Variants in FADS2 observed in about 807,000 individuals in gnomAD.
FADS2 encodes the protein fatty acid desaturase 2, also known as acyl-CoA 6-desaturase.
FADS2 carries 18 observed loss-of-function variants against 61.2 expected under a neutral mutation model. The observed-to-expected ratio is 0.29, with a 90% CI of 0.20 to 0.44. The LOEUF is 0.44. FADS2 is among the 20% of genes least tolerant of loss of function. The pLI, the probability that FADS2 is intolerant of heterozygous loss-of-function variation, is 1.00. For synonymous variants in FADS2, 203 were observed against 223.9 expected (o/e 0.91, Z 0.83); for missense variants, 322 against 572.7 (o/e 0.56, Z 4.47).
intron 7 of FADS2, 97 bp from the exon 8 acceptor site, chr11:61,862,875 G>A: frequency 1.1e-6 from 1 of 936,348 alleles, no homozygotes; most frequent in Admixed American, 1.8e-5. Flanking sequence ...CCAGCTTCTA[G>A]AGGCCTGAGT....
intron 4 of FADS2, among the ~76,000 whole-genome samples, chr11:61,844,818 G>A (rs1591172236): frequency 1.3e-5 from 2 of 150,986 alleles, no homozygotes; most frequent in African/African-American, 4.9e-5. Flanking sequence ...CCAGCTGCTC[G>A]GGAGGCTGAG....
chr11:61,848,839 C>A (rs1386017944), intron 5 of FADS2: 1 of 153,758 alleles, frequency 6.5e-6, no homozygotes, highest in Non-Finnish European at 1.4e-5. Context: ...CAATCTGCTT[C>A]ACCAGTGGAT....
At chr11:61,856,720 C>A in intron 5 of FADS2, 2 of 445,170 alleles carry the variant, frequency 4.5e-6, no homozygotes, top group Non-Finnish European at 4.0e-6. Flanking sequence ...TGGGCCATGG[C>A]TTAACGCTGA....
At chr11:61,842,985 T>C (rs1334859559) in intron 4 of FADS2, among the ~76,000 whole-genome samples, 2 of 152,246 alleles carry the variant, frequency 1.3e-5, no homozygotes, top group Non-Finnish European at 2.9e-5. Context: ...GCTGCACTGC[T>C]AATGGGATTT....
At chr11:61,862,237 AG>A (rs1332849020) in intron 7 of FADS2, 1 of 152,290 alleles carries the variant, frequency 6.6e-6, no homozygotes, top group East Asian at 1.9e-4. Flanking sequence ...CTTGGAGCGA[AG>A]GCCACTCTGG....
Position 61,865,412 on chromosome 11 carries a change from G to A in FADS2, c.1283+135G>A. 8.4e-7 allele frequency: 1 copy of A among 1,184,132 alleles called. No homozygotes were observed. 73.4% of individuals were successfully genotyped at this position (1,184,132 alleles called of 1,614,324 possible). ...TGCCTTACTCCCGAGCCTGTGTTAGGAGCTGTTGGGCTTTTCTCCCTGGGC... is the reference window on the plus strand; with the variant it reads ...TGCCTTACTCCCGAGCCTGTGTTAGAAGCTGTTGGGCTTTTCTCCCTGGGC... On this transcript the variant is annotated intron_variant, in intron 11 of 11. Transcript: ENST00000278840. This position sits in a 1 kb window ranked among gnomAD's most constrained non-coding sequence, Gnocchi z 4.1.
At chr11:61,863,591 A>G in intron 9 of FADS2, 116 bp from the exon 10 acceptor site, 4 of 882,374 alleles carry the variant, frequency 4.5e-6, no homozygotes, top group Non-Finnish European at 7.3e-6. Flanking sequence ...ATCAGGCAGG[A>G]CGGTATGATG....
At position 61,866,832 on chromosome 11, in the gene FADS2, G is replaced by C. The variant is rs940370344; in HGVS notation, c.*1143G>C. The C allele has an allele frequency of 6.5e-6, 1 of 152,738 alleles. No homozygotes were observed. The highest frequency in any genetic ancestry group is 1.5e-5 in the Non-Finnish European group (1 of 68,356). The allele number at this position is 152,738 out of a possible 1,614,324, so 9.5% of individuals were successfully genotyped here. ...GCAGGGCTGGGCCTTGTGACAATCT[G>C]CCTTTCACCACATGGCCTTGCCTCG... On this transcript the variant is annotated 3_prime_UTR_variant, in exon 12 of 12. Coordinates refer to ENST00000278840, the MANE Select transcript of FADS2 (RefSeq NM_004265.4).
chr11:61,824,768 A>T (rs997665822), upstream of FADS2, among the ~76,000 whole-genome samples: 3 of 152,146 alleles, frequency 2.0e-5, no homozygotes, highest in African/African-American at 7.2e-5. Flanking sequence ...TTAGCATCTG[A>T]TGCAGAGCCC....
At chr11:61,852,060 C>G (rs893772562) in intron 5 of FADS2, among the ~76,000 whole-genome samples, 1 of 152,160 alleles carries the variant, frequency 6.6e-6, no homozygotes, top group Non-Finnish European at 1.5e-5. Flanking sequence ...TTCCCGGCAC[C>G]CCCATGAGGT....
intron 9 of FADS2, 106 bp from the exon 10 acceptor site, chr11:61,863,601 G>A (rs765446028): frequency 1.0e-6 from 1 of 957,596 alleles, no homozygotes; most frequent in South Asian, 1.4e-5. Context: ...ACGGTATGAT[G>A]TGGACGGGTG....
chr11:61,834,601 T>A (rs2067155417), intron 1 of FADS2, among the ~76,000 whole-genome samples: 1 of 152,188 alleles, frequency 6.6e-6, no homozygotes, highest in Non-Finnish European at 1.5e-5. Context: ...ACTGCAGGGT[T>A]CGGGTGTTGG....
rs765277168 is a variant in FADS2 at position 61,862,980 on chromosome 11, C to T, written c.891C>T (p.Ala297=). The T allele has an allele frequency of 1.1e-5, 18 of 1,614,026 alleles. No homozygotes were observed. The highest frequency in any genetic ancestry group is 1.5e-5 in the Non-Finnish European group (18 of 1,179,978). The change falls in exon 8 of 12, where the codon GCC becomes GCT. Residue 297 remains alanine (A), a synonymous_variant. Coordinates refer to ENST00000278840, the MANE Select transcript of FADS2 (RefSeq NM_004265.4). ...MIVHKNWVDL[A]WAVSYYIRFF... Reference sequence around the variant, plus strand: ...TTCATCTTTCCCCGCAGGACCTGGCCTGGGCCGTCAGCTACTACATCCGGT... The same window carrying T: ...TTCATCTTTCCCCGCAGGACCTGGCTTGGGCCGTCAGCTACTACATCCGGT...
upstream of FADS2, among the ~76,000 whole-genome samples, chr11:61,824,498 G>GA (rs1565325444): frequency 1.3e-4 from 1 of 7,848 alleles, no homozygotes; most frequent in African/African-American, 1.6e-4. Context: ...GAGAAAGAAA[G>GA]AAAGGAAAGA....
chr11:61,830,461 C>T (rs2067119525), intron 1 of FADS2, among the ~76,000 whole-genome samples: 1 of 152,182 alleles, frequency 6.6e-6, no homozygotes. Context: ...GAGTTCCCTC[C>T]AAAAATCAGT....
chr11:61,824,441 AGGGAGGGAGG>A (rs1565325198), upstream of FADS2, among the ~76,000 whole-genome samples: 4 of 3,550 alleles, frequency 1.1e-3, no homozygotes, highest in Non-Finnish European at 2.6e-3. Flanking sequence ...AGAGGGAGGG[AGGGAGGGAGG>A]GAGGGAGGGA....
intron 1 of FADS2, among the ~76,000 whole-genome samples, chr11:61,834,863 T>G (rs1822731642): frequency 6.6e-6 from 1 of 151,958 alleles, no homozygotes; most frequent in Admixed American, 6.6e-5. Context: ...CTTGCTCATT[T>G]TGCATAGGCG....
chr11:61,865,964 G>A lies in FADS2; in HGVS notation c.*275G>A. On this transcript the variant is annotated 3_prime_UTR_variant, in exon 12 of 12. Coordinates refer to ENST00000278840, the MANE Select transcript of FADS2 (RefSeq NM_004265.4). The surrounding 1 kb of genome is among the most constrained non-coding windows in gnomAD (Gnocchi z 4.1). ...CCCTTCTTCCAAGGAGCAGAGAGGT[G>A]GCCACCGGGGGTGGCTCTGTCCTAC... is the stretch of plus-strand genomic sequence containing the variant. 2.0e-6 allele frequency: 1 copy of A among 509,422 alleles called. No homozygotes were observed. Among genetic ancestry groups the A allele is most frequent in the Non-Finnish European group, 3.5e-6 (1 of 285,702 alleles). The allele number at this position is 509,422 out of a possible 1,614,324, so 31.6% of individuals were successfully genotyped here. A position where few individuals can be genotyped will look rare whatever the true frequency, so the allele number is the denominator to read the frequency against.
At position 61,844,976 on chromosome 11, in the gene FADS2, G is replaced by A. The variant is rs867781720; in HGVS notation, c.619-3183G>A. Among the ~76,000 whole-genome samples, 13 of 143,606 alleles carry A rather than the reference G, an allele frequency of 9.1e-5. 1 individual carries two copies. In the South Asian group the frequency reaches 2.9e-3, roughly 32 times the overall value. 94.2% of individuals were successfully genotyped at this position (143,606 alleles called of 152,430 possible). A position where few individuals can be genotyped will look rare whatever the true frequency, so the allele number is the denominator to read the frequency against. The stretch of plus-strand genomic sequence containing the variant: ...GAAAGAAAATGAAATGAGGCAAAAA[G>A]TAGGCTTTGAAAATGTTATCGATGA... On this transcript the variant is annotated intron_variant, in intron 4 of 11. Coordinates refer to ENST00000278840, the MANE Select transcript of FADS2 (RefSeq NM_004265.4).
Sources: allele counts gnomAD v4.1 joint callset (sites outside exome capture counted in the v4.1 genomes callset), GRCh38; gene constraint gnomAD v4.1.1; non-coding constraint Gnocchi (gnomAD v3.1); transcripts MANE v1.5; gene names NCBI Gene and HGNC (gene_info 2026-07-23, HGNC 2026-07-21).